PTPRG: variants seen among roughly 807,000 people sequenced by gnomAD.
PTPRG encodes the protein receptor-type tyrosine-protein phosphatase gamma.
PTPRG carries 102 observed loss-of-function variants against 165.3 expected under a neutral mutation model. The ratio of observed to expected loss-of-function variants is 0.62; its 90% CI spans 0.53 to 0.73. The LOEUF is 0.73. Among genes scored for constraint, PTPRG ranks in the 30% least tolerant of loss-of-function variants. PTPRG has a pLI of 0.00. For synonymous variants in PTPRG, 675 were observed against 669.5 expected, an observed-to-expected ratio of 1.01 and a Z score of -0.13; for missense variants, 1,866 against 1,861.4, an observed-to-expected ratio of 1.00 and a Z score of -0.05.
intron 1 of PTPRG, among the ~76,000 whole-genome samples, chr3:61,708,840 G>C (rs1455030652): frequency 6.6e-6 from 1 of 152,138 alleles, no homozygotes; most frequent in Admixed American, 6.5e-5. Flanking sequence ...AAATATTTTG[G>C]AAACTTATAT....
At chr3:61,993,645 A>T (rs988900233) in intron 3 of PTPRG, among the ~76,000 whole-genome samples, 16 of 152,218 alleles carry the variant, frequency 1.1e-4, no homozygotes, top group Non-Finnish European at 1.8e-4. Context: ...AGTTTAATTT[A>T]AAAAAATTCA....
chr3:61,944,884 C>T (rs2039718348), intron 2 of PTPRG, among the ~76,000 whole-genome samples: 1 of 152,196 alleles, frequency 6.6e-6, no homozygotes, highest in Non-Finnish European at 1.5e-5. Flanking sequence ...TTCCTCCCAC[C>T]TGCACCTGGA....
intron 1 of PTPRG, among the ~76,000 whole-genome samples, chr3:61,644,114 A>G (rs537028724): frequency 1.4e-3 from 208 of 152,318 alleles, no homozygotes; most frequent in African/African-American, 4.7e-3. Flanking sequence ...ATTGGGTGCT[A>G]ATTATGTGCC....
chr3:61,972,244 A>C (rs1263587436), intron 2 of PTPRG, among the ~76,000 whole-genome samples: 1 of 152,250 alleles, frequency 6.6e-6, no homozygotes, highest in Non-Finnish European at 1.5e-5. Flanking sequence ...TTCAAAGGAC[A>C]GCAAGGTGGC....
intron 2 of PTPRG, among the ~76,000 whole-genome samples, chr3:61,904,595 C>A (rs1441128619): frequency 1.3e-5 from 2 of 152,094 alleles, no homozygotes; most frequent in Non-Finnish European, 2.9e-5. Context: ...TCATATCTAC[C>A]TAGTTTCATG....
At chr3:61,936,505 A>T (rs1428198711) in intron 2 of PTPRG, among the ~76,000 whole-genome samples, 1 of 152,216 alleles carries the variant, frequency 6.6e-6, no homozygotes, top group Non-Finnish European at 1.5e-5. Flanking sequence ...TAAAAGCCAG[A>T]AAGTAGTCAC....
At chr3:61,959,394 G>T (rs915467760) in intron 2 of PTPRG, among the ~76,000 whole-genome samples, 1 of 152,170 alleles carries the variant, frequency 6.6e-6, no homozygotes, top group Non-Finnish European at 1.5e-5. Flanking sequence ...TTTCCATGGG[G>T]GGATGGTTTT....
intron 2 of PTPRG, among the ~76,000 whole-genome samples, chr3:61,905,818 C>T (rs933619621): frequency 1.3e-5 from 2 of 152,180 alleles, no homozygotes; most frequent in Non-Finnish European, 2.9e-5. Context: ...AGCTTCTTCA[C>T]CCTTTGTCTG....
intron 4 of PTPRG, among the ~76,000 whole-genome samples, chr3:62,038,942 A>G (rs1484866359): frequency 6.6e-6 from 1 of 151,572 alleles, no homozygotes; most frequent in Non-Finnish European, 1.5e-5. Flanking sequence ...TCGGAGAGAG[A>G]TTTATTTTTT....
chr3:62,099,891 C>CA (rs1203665775), intron 5 of PTPRG, among the ~76,000 whole-genome samples: 1 of 150,230 alleles, frequency 6.7e-6, no homozygotes, highest in African/African-American at 2.5e-5. Context: ...CTCCGCCTCC[C>CA]AGGTTCAAGC....
intron 13 of PTPRG, among the ~76,000 whole-genome samples, chr3:62,225,375 T>A (rs1053343617): frequency 6.6e-6 from 1 of 152,132 alleles, no homozygotes; most frequent in Non-Finnish European, 1.5e-5. Flanking sequence ...GGAGAGGAGC[T>A]ATGGGAGAGG....
intron 1 of PTPRG, among the ~76,000 whole-genome samples, chr3:61,636,095 G>T (rs978495506): frequency 6.6e-6 from 1 of 152,180 alleles, no homozygotes; most frequent in African/African-American, 2.4e-5. Context: ...GGTCAGTTTA[G>T]CTTTCCTATC....
Position 62,190,308 on chromosome 3 carries a change from T to G in PTPRG, c.1034-1161T>G, listed in dbSNP as rs144130871. ...CAGTCCCCAAGAGCAAGGCATTGTCTAGCTCAAGAGGTCATGGGTGCTGAG... is the reference window on the plus strand; with the variant it reads ...CAGTCCCCAAGAGCAAGGCATTGTCGAGCTCAAGAGGTCATGGGTGCTGAG... On this transcript the variant is annotated intron_variant, in intron 8 of 29. Coordinates refer to ENST00000474889, the MANE Select transcript of PTPRG (RefSeq NM_002841.4). The surrounding 1 kb of genome is among the most constrained non-coding windows in gnomAD (Gnocchi z 5.2). 1.6e-3 allele frequency among the ~76,000 whole-genome samples: 250 copies of G among 152,308 alleles called. 1 individual carries two copies. The highest frequency in any genetic ancestry group is 2.3e-3 in the Non-Finnish European group (155 of 68,022).
At chr3:61,800,494 A>G (rs1371636128) in intron 2 of PTPRG, among the ~76,000 whole-genome samples, 2 of 152,012 alleles carry the variant, frequency 1.3e-5, no homozygotes, top group East Asian at 3.9e-4. Context: ...ATGGCGTCCA[A>G]GTTACCTCCA....
chr3:61,960,619 T>A (rs938478973), intron 2 of PTPRG, among the ~76,000 whole-genome samples: 6 of 152,134 alleles, frequency 3.9e-5, no homozygotes, highest in African/African-American at 1.4e-4. Context: ...TGTTTTTCCT[T>A]CCTAAATGCA....
Position 62,215,547 on chromosome 3 carries a change from C to CCG in PTPRG, c.2156-3303_2156-3302insGC, listed in dbSNP as rs1553652494. Among the ~76,000 whole-genome samples, 57 of 65,858 alleles carry CCG rather than the reference C, an allele frequency of 8.7e-4. 1 individual carries two copies. Among genetic ancestry groups the CCG allele is most frequent in the African/African-American group, 3.0e-3 (56 of 18,932 alleles). The allele number at this position is 65,858 out of a possible 152,430, so 43.2% of individuals were successfully genotyped here. A position where few individuals can be genotyped will look rare whatever the true frequency, so the allele number is the denominator to read the frequency against. On this transcript the variant is annotated intron_variant, in intron 12 of 29. Transcript: ENST00000474889. ...GATAGGCTCCAACCCCCTACGGGAA[C>CCG]CCCCCCCCCCCGCCAATTATTACAC... is the stretch of plus-strand genomic sequence containing the variant.
intron 15 of PTPRG, among the ~76,000 whole-genome samples, chr3:62,250,168 G>A (rs1701378986): frequency 6.6e-6 from 1 of 152,118 alleles, no homozygotes; most frequent in African/African-American, 2.4e-5. Context: ...AAGTACTTGT[G>A]TTATCCTGAT....
At chr3:61,844,671 T>G (rs79780497) in intron 2 of PTPRG, among the ~76,000 whole-genome samples, 1 of 149,896 alleles carries the variant, frequency 6.7e-6, no homozygotes, top group Non-Finnish European at 1.5e-5. Context: ...TTTTTTTTTT[T>G]CCCCCTGTTT....
Position 61,562,080 on chromosome 3 carries a change from C to T in PTPRG, c.-208C>T, listed in dbSNP as rs1699769570. On this transcript the variant is annotated 5_prime_UTR_variant, in exon 1 of 30. Coordinates refer to ENST00000474889, the MANE Select transcript of PTPRG (RefSeq NM_002841.4). The stretch of plus-strand genomic sequence containing the variant: ...CGAGAGGATCGTCCCCAGCGTGGCT[C>T]TGCGTTCCCGGTCACTTTTTGAGAT... 3 of 581,690 alleles carry T rather than the reference C, an allele frequency of 5.2e-6. No homozygotes were observed. The African/African-American group carries it at 5.7e-5, about 11-fold the overall frequency. The allele number at this position is 581,690 out of a possible 1,614,324, so 36.0% of individuals were successfully genotyped here.
Sources: gnomAD v4.1 joint callset for allele counts (sites outside exome capture counted in the v4.1 genomes callset) on GRCh38, gnomAD v4.1.1 for gene constraint, Gnocchi (gnomAD v3.1) non-coding constraint, MANE v1.5 for transcripts, NCBI Gene and HGNC (gene_info 2026-07-23, HGNC 2026-07-21) for gene names.